ALS2: variants seen among roughly 807,000 people sequenced by gnomAD.
ALS2 encodes alsin Rho guanine nucleotide exchange factor ALS2.
In ALS2, 117 loss-of-function variants were observed where a neutral mutation model predicts 203.4. The observed-to-expected ratio is 0.58, with a 90% CI of 0.50 to 0.67. The LOEUF (loss-of-function observed/expected upper bound fraction) is 0.67, where lower values mean the gene tolerates loss of function less well. Among genes scored for constraint, ALS2 ranks in the 30% least tolerant of loss-of-function variants. ALS2 has a pLI of 0.00. For missense variants in ALS2, 1,715 were observed against 1,989.4 expected (o/e 0.86, Z 2.62); for synonymous variants, 718 against 725.9 (o/e 0.99, Z 0.17).
chr2:201,749,108 T>C (rs907457784), intron 8 of ALS2, among the ~76,000 whole-genome samples: 2 of 152,032 alleles, frequency 1.3e-5, no homozygotes, highest in African/African-American at 4.8e-5. Flanking sequence ...CTCAGGGTGA[T>C]GAGGCGGAAC....
At chr2:201,748,127 A>G (rs1353279785) in intron 8 of ALS2, among the ~76,000 whole-genome samples, 1 of 152,132 alleles carries the variant, frequency 6.6e-6, no homozygotes, top group Admixed American at 6.6e-5. Flanking sequence ...TGACTCCTGG[A>G]CTGACGAACA....
intron 3 of ALS2, chr2:201,763,535 TC>T: frequency 3.1e-6 from 1 of 320,092 alleles, no homozygotes; most frequent in South Asian, 7.5e-5. Context: ...CACCAGAGTC[TC>T]CAGACAGAGG....
intron 11 of ALS2, among the ~76,000 whole-genome samples, chr2:201,739,357 C>T (rs6435100): frequency 0.17 from 25,810 of 150,988 alleles, 2,492 homozygotes; most frequent in East Asian, 0.38. Flanking sequence ...TACGTGGTAA[C>T]TTAATTAACA....
At chr2:201,720,224 C>G (rs76870514) in intron 23 of ALS2, 28,573 of 363,572 alleles carry the variant, frequency 0.079, 1,399 homozygotes, top group African/African-American at 0.14. Flanking sequence ...ACAAAATATT[C>G]GCATTAAATC....
At position 201,705,509 on chromosome 2, in the gene ALS2, A is replaced by G. The variant is rs3219170; in HGVS notation, c.4581-48T>C. ...TTAATATAAGTTGTTACTTATGGTA[A>G]ACAAAATCCCATAAAAATAGTTGAC... On this transcript the variant is annotated intron_variant, in intron 29 of 33. Coordinates refer to ENST00000264276, the MANE Select transcript of ALS2 (RefSeq NM_020919.4). 0.92 allele frequency: 1,369,455 copies of G among 1,485,640 alleles called. 631,949 individuals are homozygous for G. The highest frequency in any genetic ancestry group is 0.99 in the East Asian group (43,490 of 43,930). The allele number at this position is 1,485,640 out of a possible 1,614,324, so 92.0% of individuals were successfully genotyped here. A position where few individuals can be genotyped will look rare whatever the true frequency, so the allele number is the denominator to read the frequency against.
At chr2:201,738,612 C>T (rs995310081) in intron 12 of ALS2, 58 bp downstream of exon 12, 8 of 1,522,300 alleles carry the variant, frequency 5.3e-6, no homozygotes, top group Middle Eastern at 1.7e-4. Context: ...AAACAGAGCA[C>T]TATAAAATGT....
At chr2:201,714,826 C>T (rs1559038356) in intron 25 of ALS2, among the ~76,000 whole-genome samples, 1 of 152,200 alleles carries the variant, frequency 6.6e-6, no homozygotes. Flanking sequence ...CAAATTCATA[C>T]ATGTGCAGGT....
intron 1 of ALS2, among the ~76,000 whole-genome samples, chr2:201,772,278 TAACAACAAC>T (rs3057124): frequency 6.6e-6 from 1 of 150,968 alleles, no homozygotes; most frequent in South Asian, 2.1e-4. Context: ...GAAGTGCCCT[TAACAACAAC>T]AACAACAACA....
chr2:201,731,972 T>G (rs999781387), intron 13 of ALS2, among the ~76,000 whole-genome samples: 1 of 152,166 alleles, frequency 6.6e-6, no homozygotes, highest in Non-Finnish European at 1.5e-5. Context: ...GAAAGCTACA[T>G]CCAGGGAAAC....
chr2:201,730,055 C>T (rs1691461044), intron 13 of ALS2, among the ~76,000 whole-genome samples: 1 of 151,994 alleles, frequency 6.6e-6, no homozygotes, highest in Non-Finnish European at 1.5e-5. Flanking sequence ...AAAATGTGGC[C>T]TTATAAAGGT....
In ALS2 at chr2:201,727,714, G is replaced by A; in HGVS notation, c.2903C>T (p.Ala968Val). 6.4e-7 allele frequency: 1 copy of A among 1,551,686 alleles called. No homozygotes were observed. Among genetic ancestry groups the A allele is most frequent in the Non-Finnish European group, 8.7e-7 (1 of 1,146,984 alleles). Residue 968 changes from alanine (A) to valine (V), a missense_variant, in exon 16 of 34, where the codon GCT (alanine) becomes GTT (valine). Ala to Val is a moderately conservative substitution (Grantham distance 64, BLOSUM62 0). Transcript: ENST00000264276. ...TLWAEPLSEE[A>V]GGVNGLKITT... ...GGGGGGACGCACTTACACACCACCA[G>A]CTTCTTCAGACAGTGGCTCTGCCCA...
chr2:201,777,099 C>T (rs1694694928), intron 1 of ALS2, among the ~76,000 whole-genome samples: 1 of 152,152 alleles, frequency 6.6e-6, no homozygotes, highest in Non-Finnish European at 1.5e-5. Context: ...TAATACTACA[C>T]AAATCTGTAG....
At chr2:201,759,307 G>T in intron 4 of ALS2, 1 of 777,656 alleles carries the variant, frequency 1.3e-6, no homozygotes, top group Non-Finnish European at 1.6e-6. Context: ...GTAATACTTT[G>T]GTTTATTTCC....
intron 4 of ALS2, among the ~76,000 whole-genome samples, chr2:201,758,229 G>GA (rs944898872): frequency 2.0e-5 from 3 of 149,736 alleles, no homozygotes; most frequent in African/African-American, 4.9e-5. Context: ...ATTTTATGAA[G>GA]AAAAAAAAAG....
intron 5 of ALS2, 138 bp from the exon 6 acceptor site, chr2:201,754,809 G>T: frequency 1.1e-6 from 1 of 892,304 alleles, no homozygotes; most frequent in Non-Finnish European, 1.7e-6. Flanking sequence ...GCTCTCTGTA[G>T]AAAAGGGGAC....
rs369577952 is a variant in ALS2 at position 201,757,640 on chromosome 2, A to C, written c.1233T>G (p.Tyr411Ter). Residue 411 changes from tyrosine to a stop codon, truncating the protein, a stop_gained, in exon 5 of 34, where the codon TAT becomes TAG. Coordinates refer to ENST00000264276, the MANE Select transcript of ALS2 (RefSeq NM_020919.4). LOFTEE classifies it high-confidence loss of function. ...SAVGVRVAAT[Y>*]EAGALSLKKV... ...TCTTCAGTGACAAGGCACCAGCTTC[A>C]TAAGTAGCAGCCACTCTCACACCAA... is the stretch of plus-strand genomic sequence containing the variant. 4.3e-6 allele frequency: 7 copies of C among 1,614,178 alleles called. No individual in the cohort carries two copies. Among genetic ancestry groups the C allele is most frequent in the Non-Finnish European group, 5.9e-6 (7 of 1,180,014 alleles).
chr2:201,767,500 C>T, intron 2 of ALS2, 117 bp from the exon 3 acceptor site: 1 of 1,120,454 alleles, frequency 8.9e-7, no homozygotes, highest in South Asian at 1.4e-5. Flanking sequence ...GGTCAGATAG[C>T]TGAATTAGCA....
chr2:201,756,282 G>C (rs1374940923), intron 5 of ALS2, among the ~76,000 whole-genome samples: 1 of 150,996 alleles, frequency 6.6e-6, no homozygotes, highest in Admixed American at 6.6e-5. Flanking sequence ...GAGATCATAG[G>C]CCTTCTTATA....
rs554152170 is a variant in ALS2 at position 201,701,435 on chromosome 2, C to G, written c.*416G>C. The G allele has an allele frequency of 5.9e-6, 1 of 169,214 alleles. No homozygotes were observed. The highest frequency in any genetic ancestry group is 1.3e-5 in the Non-Finnish European group (1 of 77,600). 10.5% of individuals were successfully genotyped at this position (169,214 alleles called of 1,614,324 possible). On this transcript the variant is annotated 3_prime_UTR_variant, in exon 34 of 34. Transcript: ENST00000264276. Reference sequence around the variant, plus strand: ...GGTTCTTGCAAACGGATCGGGGTAACTGCAGGTGGATTCAGGCAAACCAGA... The same window carrying G: ...GGTTCTTGCAAACGGATCGGGGTAAGTGCAGGTGGATTCAGGCAAACCAGA...
Sources: gnomAD v4.1 joint callset for allele counts (sites outside exome capture counted in the v4.1 genomes callset) on GRCh38, gnomAD v4.1.1 for gene constraint, MANE v1.5 for transcripts, NCBI Gene and HGNC (gene_info 2026-07-23, HGNC 2026-07-21) for gene names.